The following LINGO2 variants were observed in gnomAD, a reference collection of about 807,000 sequenced individuals.
LINGO2 encodes leucine-rich repeat and immunoglobulin-like domain-containing nogo receptor-interacting protein 2.
In LINGO2, 14 loss-of-function variants were observed where a neutral mutation model predicts 30.6. The ratio of observed to expected loss-of-function variants is 0.46; its 90% CI spans 0.30 to 0.72. The LOEUF (loss-of-function observed/expected upper bound fraction) is 0.72, where lower values mean the gene tolerates loss of function less well. Among genes scored for constraint, LINGO2 ranks in the 30% least tolerant of loss-of-function variants. LINGO2 has a pLI of 0.07. For missense variants in LINGO2, 729 were observed against 751.7 expected (o/e 0.97, Z 0.35); for synonymous variants, 317 against 288.5 (o/e 1.10, Z -1.00).
chr9:28,214,188 T>C (rs1820688297), intron 4 of LINGO2, among the ~76,000 whole-genome samples: 1 of 151,592 alleles, frequency 6.6e-6, no homozygotes, highest in Non-Finnish European at 1.5e-5. Flanking sequence ...ATCTAAACTT[T>C]GCTTGAGTAA....
chr9:28,912,526 G>A, the LINGO2 span, among the ~76,000 whole-genome samples: 1 of 152,108 alleles, frequency 6.6e-6, no homozygotes, highest in Non-Finnish European at 1.5e-5. Flanking sequence ...TGGAAGATAT[G>A]TGACAGTTGC....
chr9:29,148,529 C>T, the LINGO2 span, among the ~76,000 whole-genome samples: 1 of 152,122 alleles, frequency 6.6e-6, no homozygotes, highest in African/African-American at 2.4e-5. Context: ...TCCTACAATT[C>T]AAAACATTTG....
chr9:28,669,246 T>C (rs529729237), intron 1 of LINGO2, among the ~76,000 whole-genome samples: 5 of 152,276 alleles, frequency 3.3e-5, no homozygotes, highest in African/African-American at 1.2e-4. Context: ...TTCCTGGCTG[T>C]TATTGTTTGA....
rs75585095 is a variant in LINGO2, at chr9:28,661,244, T to C, written c.-365+8956A>G. The stretch of plus-strand genomic sequence containing the variant: ...AAATCCTGCTATCCATTCTGTGAAT[T>C]TGTCTAAGCTACCCCATTGTATGAT... On this transcript the variant is annotated intron_variant, in intron 1 of 5. Transcript: ENST00000379992. Among the ~76,000 whole-genome samples the C allele has an allele frequency of 9.2e-3, 1,408 of 152,256 alleles. 23 individuals are homozygous for C. Among genetic ancestry groups the C allele is most frequent in the Admixed American group, 0.022 (340 of 15,290 alleles).
At chr9:28,289,678 T>A (rs1003014521) in intron 4 of LINGO2, among the ~76,000 whole-genome samples, 1 of 152,220 alleles carries the variant, frequency 6.6e-6, no homozygotes, top group Non-Finnish European at 1.5e-5. Context: ...TTTGAGCTAA[T>A]GTGTTATCAA....
chr9:28,449,587 A>G lies in LINGO2; in HGVS notation c.-279+26353T>C, dbSNP rs181449352. Among the ~76,000 whole-genome samples, 4 of 152,214 alleles carry G rather than the reference A, an allele frequency of 2.6e-5. No individual in the cohort carries two copies. In the East Asian group the frequency reaches 7.7e-4, roughly 29 times the overall value. On this transcript the variant is annotated intron_variant, in intron 2 of 5. Coordinates refer to ENST00000379992, the Ensembl canonical transcript of LINGO2. ...ACAAGTTACTCGTCTACTAAAGAGT[A>G]AAACAAACAAACCAAAATCCCATTT...
the LINGO2 span, among the ~76,000 whole-genome samples, chr9:28,706,528 C>A: frequency 2.6e-5 from 4 of 152,066 alleles, no homozygotes; most frequent in Non-Finnish European, 5.9e-5. Flanking sequence ...TTTAAAATTT[C>A]AAGATGCATT....
the LINGO2 span, among the ~76,000 whole-genome samples, chr9:28,786,364 G>A: frequency 6.6e-6 from 1 of 152,134 alleles, no homozygotes; most frequent in Non-Finnish European, 1.5e-5. Context: ...CCAGATGTAA[G>A]TTCAAAGAGT....
the LINGO2 span, among the ~76,000 whole-genome samples, chr9:29,084,442 T>A: frequency 6.6e-6 from 1 of 152,086 alleles, no homozygotes; most frequent in Non-Finnish European, 1.5e-5. Flanking sequence ...CACAGGTATT[T>A]TACACTAGTT....
the LINGO2 span, among the ~76,000 whole-genome samples, chr9:28,825,862 C>T: frequency 1.1e-3 from 167 of 152,226 alleles, 2 homozygotes; most frequent in African/African-American, 3.9e-3. Context: ...ATCTTGGAGC[C>T]ATCAAAGTTA....
intron 5 of LINGO2, among the ~76,000 whole-genome samples, chr9:28,010,485 T>G (rs972148888): frequency 6.6e-6 from 1 of 152,152 alleles, no homozygotes; most frequent in Non-Finnish European, 1.5e-5. Flanking sequence ...AAATCTTACA[T>G]GGAAACTCAA....
chr9:28,288,402 A>G (rs2134157340), intron 4 of LINGO2, among the ~76,000 whole-genome samples: 1 of 152,272 alleles, frequency 6.6e-6, no homozygotes, highest in Middle Eastern at 3.4e-3. Flanking sequence ...ATGCCTCTTA[A>G]GCTTCATGCT....
the LINGO2 span, among the ~76,000 whole-genome samples, chr9:29,050,665 TA>T: frequency 6.6e-6 from 1 of 152,214 alleles, no homozygotes; most frequent in Non-Finnish European, 1.5e-5. Flanking sequence ...TTCACAGCAC[TA>T]GTTACTTCTT....
the LINGO2 span, among the ~76,000 whole-genome samples, chr9:29,186,408 G>A: frequency 6.6e-6 from 1 of 151,954 alleles, no homozygotes; most frequent in Admixed American, 6.6e-5. Context: ...AATGGTTCGG[G>A]TCACATATAT....
At chr9:28,184,075 C>T (rs1231432877) in intron 4 of LINGO2, among the ~76,000 whole-genome samples, 1 of 152,000 alleles carries the variant, frequency 6.6e-6, no homozygotes, top group Non-Finnish European at 1.5e-5. Flanking sequence ...CATCTTGTTG[C>T]TGGATTAAAG....
intron 5 of LINGO2, among the ~76,000 whole-genome samples, chr9:27,998,577 G>A (rs535549226): frequency 6.6e-6 from 1 of 152,262 alleles, no homozygotes; most frequent in East Asian, 1.9e-4. Context: ...CCAGGAATTC[G>A]AGACCAGCCT....
intron 5 of LINGO2, among the ~76,000 whole-genome samples, chr9:27,975,490 TATG>T (rs1301544897): frequency 6.6e-6 from 1 of 152,120 alleles, no homozygotes; most frequent in Admixed American, 6.6e-5. Context: ...TACCTCACAA[TATG>T]ATAACATGCT....
intron 1 of LINGO2, among the ~76,000 whole-genome samples, chr9:28,493,280 T>TA (rs1014024085): frequency 6.6e-6 from 1 of 152,136 alleles, no homozygotes; most frequent in Admixed American, 6.6e-5. Flanking sequence ...TCTCCAGAAC[T>TA]AAAAACACGA....
chr9:29,079,198 C>A, the LINGO2 span, among the ~76,000 whole-genome samples: 6 of 151,948 alleles, frequency 3.9e-5, no homozygotes, highest in African/African-American at 1.4e-4. Context: ...AAGACAAGCA[C>A]CACATAAATT....
Sources: allele counts gnomAD v4.1 joint callset (sites outside exome capture counted in the v4.1 genomes callset), GRCh38; gene constraint gnomAD v4.1.1; transcripts MANE v1.5; gene names NCBI Gene and HGNC (gene_info 2026-07-23, HGNC 2026-07-21).